Variants in ICA1 observed in about 807,000 individuals in gnomAD.
The protein encoded by ICA1 is 69 kDa islet cell autoantigen.
A neutral mutation model predicts 71.0 loss-of-function variants in ICA1; 40 were observed. The observed-to-expected ratio is 0.56, with a 90% CI of 0.44 to 0.73. The LOEUF is 0.73. Among genes scored for constraint, ICA1 ranks in the 30% least tolerant of loss-of-function variants. The pLI is 0.00. For missense variants in ICA1, 578 were observed against 576.5 expected (o/e 1.00, Z -0.03); for synonymous variants, 207 against 209.5 (o/e 0.99, Z 0.10).
At position 8,144,002 on chromosome 7, in the gene ICA1, AG is replaced by A. The variant is rs1165654881; in HGVS notation, c.805-31del. ...ATCACGAGCCATAGAAAAATGAAAAAGAAAAAAAAAGAAGAAGAAATAGAGA... is the reference window on the plus strand; with the variant it reads ...ATCACGAGCCATAGAAAAATGAAAAAAAAAAAAAAGAAGAAGAAATAGAGA... On this transcript the variant is annotated intron_variant, in intron 8 of 13. Transcript: ENST00000402384. This position sits in a 1 kb window ranked among gnomAD's most constrained non-coding sequence, Gnocchi z 4.5. The A allele has an allele frequency of 5.0e-6, 6 of 1,195,420 alleles. No homozygotes were observed. Among genetic ancestry groups the A allele is most frequent in the Middle Eastern group, 1.9e-4 (1 of 5,150 alleles). 74.1% of individuals were successfully genotyped at this position (1,195,420 alleles called of 1,614,324 possible). A position where few individuals can be genotyped will look rare whatever the true frequency, so the allele number is the denominator to read the frequency against.
intron 1 of ICA1, among the ~76,000 whole-genome samples, chr7:8,239,747 C>A (rs1294282238): frequency 6.6e-6 from 1 of 152,246 alleles, no homozygotes; most frequent in Admixed American, 6.5e-5. Flanking sequence ...GAGTTTATAT[C>A]CCACGCCTGG....
intron 6 of ICA1, among the ~76,000 whole-genome samples, chr7:8,186,315 T>C (rs1377476823): frequency 1.3e-5 from 2 of 152,146 alleles, no homozygotes; most frequent in Non-Finnish European, 2.9e-5. Context: ...CAAACATAAA[T>C]GTGGACCATG....
intron 8 of ICA1, among the ~76,000 whole-genome samples, chr7:8,146,857 TACACACACACACACACACACACACGCAC>T (rs1223308251): frequency 3.2e-5 from 4 of 125,358 alleles, no homozygotes; most frequent in South Asian, 3.0e-4. Context: ...TTTATTCATG[TACACACACACACACACACACACACGCAC>T]ACACACACAC....
chr7:8,167,613 C>T (rs1806547655), intron 6 of ICA1, among the ~76,000 whole-genome samples: 1 of 152,086 alleles, frequency 6.6e-6, no homozygotes, highest in Non-Finnish European at 1.5e-5. Context: ...TGCACCTGTA[C>T]CCCTGAACCT....
chr7:8,146,762 T>C (rs1450360413), intron 8 of ICA1, among the ~76,000 whole-genome samples: 2 of 149,588 alleles, frequency 1.3e-5, no homozygotes, highest in Non-Finnish European at 3.0e-5. Context: ...TGTGTGTGTG[T>C]GTTTAGTATA....
At chr7:8,117,035 T>A (rs536775104) in intron 13 of ICA1, among the ~76,000 whole-genome samples, 1 of 152,310 alleles carries the variant, frequency 6.6e-6, no homozygotes, top group South Asian at 2.1e-4. Flanking sequence ...GTTTCCCCCA[T>A]GCTGTTCTCC....
Position 8,184,185 on chromosome 7 carries a change from C to G in ICA1, c.580-25533G>C, listed in dbSNP as rs148397901. ...TAAATTGGCAAATGTGGTGCCTAGT[C>G]AAACAGAAAAGTGCTCAGGTGCATT... On this transcript the variant is annotated intron_variant, in intron 6 of 13. Coordinates refer to ENST00000402384, the MANE Select transcript of ICA1 (RefSeq NM_001136020.3). 7.2e-3 allele frequency among the ~76,000 whole-genome samples: 1,096 copies of G among 152,284 alleles called. 12 individuals are homozygous for G. The highest frequency in any genetic ancestry group is 0.025 in the African/African-American group (1,043 of 41,536).
intron 6 of ICA1, among the ~76,000 whole-genome samples, chr7:8,161,713 ACT>A (rs1803899471): frequency 6.6e-6 from 1 of 151,982 alleles, no homozygotes; most frequent in Admixed American, 6.6e-5. Flanking sequence ...TGACCAGCTG[ACT>A]CTGAGATATG....
chr7:8,143,812 C>G (rs1796006692), intron 9 of ICA1, 63 bp downstream of exon 9: 3 of 1,077,056 alleles, frequency 2.8e-6, no homozygotes, highest in South Asian at 1.3e-5. Flanking sequence ...GTTCGGTCAG[C>G]GAGAACCACA....
intron 6 of ICA1, among the ~76,000 whole-genome samples, chr7:8,177,753 C>T (rs1313134009): frequency 6.6e-6 from 1 of 152,128 alleles, no homozygotes; most frequent in Admixed American, 6.5e-5. Flanking sequence ...AATAAATTAA[C>T]AGGTGAACTG....
rs1203289880 is a variant in ICA1, at chr7:8,144,562, AT to A, written c.805-591del. ...AGCAGGTGCATCCAAATCTTTGTAG[AT>A]TAAAATGGGTGAGAGTCTTCTTTTG... On this transcript the variant is annotated intron_variant, in intron 8 of 13. Coordinates refer to ENST00000402384, the MANE Select transcript of ICA1 (RefSeq NM_001136020.3). The surrounding 1 kb of genome is among the most constrained non-coding windows in gnomAD (Gnocchi z 4.5). Among the ~76,000 whole-genome samples, 1 of 152,208 alleles carries A rather than the reference AT, an allele frequency of 6.6e-6. No homozygotes were observed. The highest frequency in any genetic ancestry group is 1.5e-5 in the Non-Finnish European group (1 of 68,040).
chr7:8,177,741 C>T (rs1345744177), intron 6 of ICA1, among the ~76,000 whole-genome samples: 2 of 152,120 alleles, frequency 1.3e-5, no homozygotes, highest in African/African-American at 4.8e-5. Flanking sequence ...CACAAATCAA[C>T]CAATAAATTA....
At chr7:8,152,446 C>G (rs1799143231) in intron 8 of ICA1, among the ~76,000 whole-genome samples, 1 of 151,880 alleles carries the variant, frequency 6.6e-6, no homozygotes, top group African/African-American at 2.4e-5. Flanking sequence ...TGGCTGTTAT[C>G]CTCACCACTG....
chr7:8,188,071 T>C (rs1219280640), intron 6 of ICA1, among the ~76,000 whole-genome samples: 2 of 152,190 alleles, frequency 1.3e-5, no homozygotes, highest in African/African-American at 4.8e-5. Flanking sequence ...AGGCTGTTTC[T>C]TACGCTAAAG....
At chr7:8,181,882 T>C (rs1487333801) in intron 6 of ICA1, among the ~76,000 whole-genome samples, 1 of 152,168 alleles carries the variant, frequency 6.6e-6, no homozygotes, top group Non-Finnish European at 1.5e-5. Flanking sequence ...TATCTGAGTG[T>C]TCCAGTCTTC....
At chr7:8,208,731 A>T (rs930355074) in intron 6 of ICA1, among the ~76,000 whole-genome samples, 1 of 152,226 alleles carries the variant, frequency 6.6e-6, no homozygotes, top group South Asian at 2.1e-4. Flanking sequence ...GTAATTTAAG[A>T]TGATACCTTC....
chr7:8,202,456 T>C (rs1400841496), intron 6 of ICA1, among the ~76,000 whole-genome samples: 2 of 152,258 alleles, frequency 1.3e-5, no homozygotes, highest in Non-Finnish European at 2.9e-5. Flanking sequence ...TTAAATGTGC[T>C]AATTTTGTTA....
chr7:8,211,492 G>A (rs1340172793), intron 6 of ICA1, among the ~76,000 whole-genome samples: 1 of 151,802 alleles, frequency 6.6e-6, no homozygotes, highest in Non-Finnish European at 1.5e-5. Context: ...TGAGTACCAT[G>A]GGCCCTGGAT....
At chr7:8,183,319 C>T (rs553569089) in intron 6 of ICA1, among the ~76,000 whole-genome samples, 11 of 152,074 alleles carry the variant, frequency 7.2e-5, no homozygotes, top group Admixed American at 2.0e-4. Context: ...ATATTTGTCC[C>T]GTTAAAGGCT....
Sources: gnomAD v4.1 joint callset for allele counts (sites outside exome capture counted in the v4.1 genomes callset) on GRCh38, gnomAD v4.1.1 for gene constraint, Gnocchi (gnomAD v3.1) non-coding constraint, MANE v1.5 for transcripts, NCBI Gene and HGNC (gene_info 2026-07-23, HGNC 2026-07-21) for gene names.